The following CNTN4 variants were observed in gnomAD, a reference collection of about 807,000 sequenced individuals.
CNTN4 encodes contactin-4.
Under a neutral mutation model 122.5 loss-of-function variants are expected in CNTN4, and 77 were observed. The observed-to-expected ratio is 0.63, with a 90% confidence interval of 0.52 to 0.76. CNTN4 has a LOEUF of 0.76. CNTN4 is among the 30% of genes least tolerant of loss of function. CNTN4 has a pLI of 0.00. For missense variants in CNTN4, 1,256 were observed against 1,259.1 expected (o/e 1.00, Z 0.04); for synonymous variants, 512 against 447.0 (o/e 1.15, Z -1.83).
intron 4 of CNTN4, among the ~76,000 whole-genome samples, chr3:2,669,577 TG>T (rs1323214936): frequency 2.0e-5 from 3 of 152,316 alleles, no homozygotes; most frequent in African/African-American, 7.2e-5. Context: ...AACGGTTTTT[TG>T]TGTCTCTATC....
At chr3:2,294,990 CT>C in intron 2 of CNTN4, among the ~76,000 whole-genome samples, 1 of 152,160 alleles carries the variant, frequency 6.6e-6, no homozygotes, top group Non-Finnish European at 1.5e-5. Flanking sequence ...ATCCATGTCC[CT>C]ACAAAGGACA....
intron 4 of CNTN4, among the ~76,000 whole-genome samples, chr3:2,573,572 T>A (rs13316698): frequency 0.25 from 37,994 of 152,088 alleles, 5,161 homozygotes; most frequent in East Asian, 0.5. Flanking sequence ...GGCTACAGCA[T>A]AATGTTTATT....
chr3:2,751,472 C>T (rs1220598621), intron 6 of CNTN4, among the ~76,000 whole-genome samples: 1 of 152,138 alleles, frequency 6.6e-6, no homozygotes, highest in Non-Finnish European at 1.5e-5. Context: ...AGCATACCTC[C>T]CCAACCTTCA....
intron 2 of CNTN4, among the ~76,000 whole-genome samples, chr3:2,168,563 AAC>A (rs2036302710): frequency 6.6e-6 from 1 of 152,064 alleles, no homozygotes; most frequent in African/African-American, 2.4e-5. Context: ...GACATTATAA[AAC>A]AAAATAAATT....
At chr3:2,706,976 A>ATGTGTG (rs369390925) in intron 4 of CNTN4, among the ~76,000 whole-genome samples, 59 of 150,830 alleles carry the variant, frequency 3.9e-4, no homozygotes, top group African/African-American at 1.1e-3. Flanking sequence ...GATTATGTGT[A>ATGTGTG]TGTGTGTGTG....
intron 2 of CNTN4, among the ~76,000 whole-genome samples, chr3:2,132,829 T>C (rs2034515534): frequency 6.6e-6 from 1 of 152,176 alleles, no homozygotes; most frequent in Admixed American, 6.5e-5. Flanking sequence ...TTCTCTGTTT[T>C]TGTAGACTGT....
intron 6 of CNTN4, among the ~76,000 whole-genome samples, chr3:2,781,196 C>G (rs985772095): frequency 6.6e-6 from 1 of 152,204 alleles, no homozygotes; most frequent in Admixed American, 6.5e-5. Flanking sequence ...CCAGAAAGCT[C>G]AAACTCACTG....
intron 2 of CNTN4, among the ~76,000 whole-genome samples, chr3:2,334,786 G>C (rs2043876942): frequency 6.6e-6 from 1 of 152,146 alleles, no homozygotes; most frequent in Admixed American, 6.5e-5. Flanking sequence ...TATATGCTAT[G>C]TCTGTGAGAA....
At chr3:2,447,031 A>T (rs1366071098) in intron 3 of CNTN4, among the ~76,000 whole-genome samples, 1 of 152,222 alleles carries the variant, frequency 6.6e-6, no homozygotes, top group East Asian at 1.9e-4. Flanking sequence ...GTCATATTTT[A>T]TCTTTCAATT....
intron 5 of CNTN4, among the ~76,000 whole-genome samples, chr3:2,740,274 C>T (rs1198090398): frequency 6.6e-6 from 1 of 152,088 alleles, no homozygotes; most frequent in Non-Finnish European, 1.5e-5. Context: ...GTGGGAAGAT[C>T]GCTTGAGTCT....
At chr3:2,924,963 T>C (rs2094459682) in intron 12 of CNTN4, among the ~76,000 whole-genome samples, 1 of 152,190 alleles carries the variant, frequency 6.6e-6, no homozygotes, top group Non-Finnish European at 1.5e-5. Context: ...TCTTATGGCG[T>C]TCCTAATTTT....
chr3:2,839,143 A>C (rs937357992), intron 7 of CNTN4, among the ~76,000 whole-genome samples: 1 of 152,234 alleles, frequency 6.6e-6, no homozygotes, highest in African/African-American at 2.4e-5. Context: ...TTATGTCAAA[A>C]CCTTGGAAAT....
intron 2 of CNTN4, among the ~76,000 whole-genome samples, chr3:2,130,019 A>G (rs2125272039): frequency 6.6e-6 from 1 of 152,206 alleles, no homozygotes; most frequent in East Asian, 1.9e-4. Context: ...ATCTTAAGAA[A>G]TTATTTTAAA....
intron 13 of CNTN4, among the ~76,000 whole-genome samples, chr3:2,933,979 A>C (rs6442768): frequency 6.6e-6 from 1 of 151,930 alleles, no homozygotes; most frequent in African/African-American, 2.4e-5. Context: ...AGGAGACTCA[A>C]AGAGGTGGGA....
At chr3:2,680,765 C>G (rs569094335) in intron 4 of CNTN4, among the ~76,000 whole-genome samples, 2 of 152,162 alleles carry the variant, frequency 1.3e-5, no homozygotes, top group African/African-American at 4.8e-5. Context: ...TAATGAAAAT[C>G]TCAATATAAA....
intron 4 of CNTN4, among the ~76,000 whole-genome samples, chr3:2,686,814 C>T (rs914244354): frequency 6.6e-6 from 1 of 152,162 alleles, no homozygotes; most frequent in Non-Finnish European, 1.5e-5. Flanking sequence ...CTTCTATAAG[C>T]CAGTTTTAGT....
At chr3:2,946,373 G>A (rs1002979995) in intron 13 of CNTN4, among the ~76,000 whole-genome samples, 2 of 152,114 alleles carry the variant, frequency 1.3e-5, no homozygotes, top group Non-Finnish European at 2.9e-5. Context: ...TTACATTTAT[G>A]GTAAAACTGA....
At chr3:2,559,533 A>G (rs955362632) in intron 3 of CNTN4, among the ~76,000 whole-genome samples, 13 of 152,060 alleles carry the variant, frequency 8.5e-5, no homozygotes, top group Admixed American at 8.5e-4. Context: ...TCTGTCCAAA[A>G]CCTTTGTATT....
chr3:2,647,437 C>T (rs1024225467), intron 4 of CNTN4, among the ~76,000 whole-genome samples: 81 of 152,016 alleles, frequency 5.3e-4, no homozygotes, highest in African/African-American at 1.9e-3. Context: ...TAACCTATGC[C>T]TTATCTCAAG....
Sources: gnomAD v4.1 joint callset for allele counts (sites outside exome capture counted in the v4.1 genomes callset) on GRCh38, gnomAD v4.1.1 for gene constraint, MANE v1.5 for transcripts, NCBI Gene and HGNC (gene_info 2026-07-23, HGNC 2026-07-21) for gene names.